PALLD: variants seen among roughly 807,000 people sequenced by gnomAD.
PALLD encodes palladin, cytoskeletal associated protein.
PALLD carries 61 observed loss-of-function variants against 123.5 expected under a neutral mutation model. That is an observed-to-expected ratio of 0.49 (90% CI 0.40 to 0.61). The LOEUF (loss-of-function observed/expected upper bound fraction) is 0.61. PALLD is among the 20% of genes least tolerant of loss of function. The pLI is 0.00. For missense variants in PALLD, 1,273 were observed against 1,377.0 expected, an observed-to-expected ratio of 0.92 and a Z score of 1.20; for synonymous variants, 465 against 496.4, an observed-to-expected ratio of 0.94 and a Z score of 0.84.
chr4:168,759,205 ATATATATATATATATATATATAT>A (rs1561490676), intron 10 of PALLD, among the ~76,000 whole-genome samples: 15,994 of 45,178 alleles, frequency 0.35, 4,336 homozygotes, highest in Non-Finnish European at 0.4. Flanking sequence ...AAAAAAAAAT[ATATATATATATATATATATATAT>A]ATATATATAT....
chr4:168,584,215 GT>G (rs10654362), intron 2 of PALLD, among the ~76,000 whole-genome samples: 33,057 of 147,992 alleles, frequency 0.22, 3,799 homozygotes, highest in East Asian at 0.34. Flanking sequence ...AGACCATCAG[GT>G]TTTTTTTTTT....
intron 8 of PALLD, among the ~76,000 whole-genome samples, chr4:168,697,925 T>C (rs190287816): frequency 2.0e-5 from 3 of 152,330 alleles, no homozygotes; most frequent in Admixed American, 6.5e-5. Context: ...CTCCCATGTT[T>C]GTTGCAGCAC....
At chr4:168,499,178 A>C in intron 1 of PALLD, among the ~76,000 whole-genome samples, 1 of 115,506 alleles carries the variant, frequency 8.7e-6, no homozygotes, top group Admixed American at 8.7e-5. Flanking sequence ...GACCCTTTGT[A>C]GCAAAAAAAA....
rs780747298 is a variant in PALLD at position 168,903,840 on chromosome 4, C to G, written c.2556C>G (p.Ser852=). 1.2e-6 allele frequency: 2 copies of G among 1,613,328 alleles called. No homozygotes were observed. The highest frequency in any genetic ancestry group is 1.7e-5 in the Admixed American group (1 of 59,996). Residue 852 remains serine, a synonymous_variant, in exon 15 of 22, where the codon TCC becomes TCG. Transcript: ENST00000505667. ...AAAGAGATCTCGATGGGACCTGCTCCCTCCATACCACAGCCTCCACCCTAG... is the reference window on the plus strand; with the variant it reads ...AAAGAGATCTCGATGGGACCTGCTCGCTCCATACCACAGCCTCCACCCTAG... ...TIQRDLDGTC[S]LHTTASTLDD...
At chr4:168,859,725 A>G (rs1334458777) in intron 10 of PALLD, among the ~76,000 whole-genome samples, 1 of 152,154 alleles carries the variant, frequency 6.6e-6, no homozygotes, top group Non-Finnish European at 1.5e-5. Context: ...CCCTTGTGAG[A>G]AGTGAGGGAA....
intron 2 of PALLD, among the ~76,000 whole-genome samples, chr4:168,552,872 C>T (rs748870429): frequency 7.2e-5 from 11 of 152,008 alleles, no homozygotes; most frequent in African/African-American, 9.7e-5. Context: ...GACAGGGTTT[C>T]ACCATATTGG....
chr4:168,644,092 T>C (rs903918309), intron 2 of PALLD, among the ~76,000 whole-genome samples: 1 of 87,050 alleles, frequency 1.1e-5, no homozygotes, highest in African/African-American at 5.6e-5. Flanking sequence ...TGTTGATATC[T>C]TTTTTTTTTT....
At chr4:168,803,668 G>A (rs1739693420) in intron 10 of PALLD, among the ~76,000 whole-genome samples, 1 of 141,270 alleles carries the variant, frequency 7.1e-6, no homozygotes, top group African/African-American at 2.7e-5. Context: ...CTGGGTGATA[G>A]AGTGAGACCC....
chr4:168,644,379 G>A (rs1205943926), intron 2 of PALLD, among the ~76,000 whole-genome samples: 2 of 152,174 alleles, frequency 1.3e-5, no homozygotes, highest in Non-Finnish European at 2.9e-5. Context: ...GTGAGCCACT[G>A]CACGTGGCCG....
chr4:168,861,386 G>C (rs1384159129), intron 10 of PALLD, among the ~76,000 whole-genome samples: 1 of 152,170 alleles, frequency 6.6e-6, no homozygotes, highest in Admixed American at 6.5e-5. Flanking sequence ...AATGGTAACA[G>C]TATTTGGTTG....
chr4:168,766,521 A>G (rs1733679541), intron 10 of PALLD, among the ~76,000 whole-genome samples: 1 of 152,214 alleles, frequency 6.6e-6, no homozygotes, highest in Non-Finnish European at 1.5e-5. Context: ...GGAGCACCCA[A>G]GGCAGGCGGT....
rs1752602098 is a variant in PALLD at position 168,881,501 on chromosome 4, A to G, written c.1965-9421A>G. Among the ~76,000 whole-genome samples the G allele has an allele frequency of 2.1e-5, 3 of 144,376 alleles. 1 individual carries two copies. The highest frequency in any genetic ancestry group is 4.6e-5 in the Non-Finnish European group (3 of 65,846). The allele number at this position is 144,376 out of a possible 152,430, so 94.7% of individuals were successfully genotyped here. ...CCCCAGACCGCAGTCAACCAACTGC[A>G]TGCTGTTCTGTGAGCCGGAGAGAGG... On this transcript the variant is annotated intron_variant, in intron 10 of 21. Transcript: ENST00000505667.
intron 2 of PALLD, among the ~76,000 whole-genome samples, chr4:168,602,551 C>G (rs571983948): frequency 6.6e-6 from 1 of 152,304 alleles, no homozygotes; most frequent in East Asian, 1.9e-4. Flanking sequence ...TGGGATTTGC[C>G]CGTGTTCAGC....
At chr4:168,790,346 G>C (rs957653459) in intron 10 of PALLD, among the ~76,000 whole-genome samples, 2 of 151,406 alleles carry the variant, frequency 1.3e-5, no homozygotes, top group Non-Finnish European at 2.9e-5. Context: ...ACCTTTAGTA[G>C]AGATGGGATT....
intron 10 of PALLD, among the ~76,000 whole-genome samples, chr4:168,867,430 C>T (rs977719422): frequency 2.0e-5 from 3 of 152,126 alleles, no homozygotes; most frequent in African/African-American, 7.2e-5. Context: ...TGTCTAAGGC[C>T]TCCTTTTAAG....
chr4:168,552,436 T>C (rs1044712922), intron 2 of PALLD, among the ~76,000 whole-genome samples: 3 of 152,176 alleles, frequency 2.0e-5, no homozygotes, highest in African/African-American at 7.2e-5. Context: ...AGCTTTCTTA[T>C]ACCACTTACT....
intron 10 of PALLD, among the ~76,000 whole-genome samples, chr4:168,720,502 T>G (rs1345252836): frequency 6.6e-6 from 1 of 152,194 alleles, no homozygotes; most frequent in East Asian, 1.9e-4. Context: ...TTTTTCAGTT[T>G]GTTGTTATAA....
intron 2 of PALLD, among the ~76,000 whole-genome samples, chr4:168,646,642 CA>C (rs1777484343): frequency 6.6e-6 from 1 of 152,230 alleles, no homozygotes; most frequent in African/African-American, 2.4e-5. Flanking sequence ...AGCCACCACA[CA>C]GCTTGGGGCC....
At chr4:168,581,529 G>A (rs145271085) in intron 2 of PALLD, among the ~76,000 whole-genome samples, 39 of 151,876 alleles carry the variant, frequency 2.6e-4, no homozygotes, top group Middle Eastern at 3.4e-3. Flanking sequence ...TGTATTTGTT[G>A]GCCATTTGTT....
Sources: gnomAD v4.1 joint callset for allele counts (sites outside exome capture counted in the v4.1 genomes callset) on GRCh38, gnomAD v4.1.1 for gene constraint, MANE v1.5 for transcripts, NCBI Gene and HGNC (gene_info 2026-07-23, HGNC 2026-07-21) for gene names.